Variants in GJA5 observed in about 807,000 individuals in gnomAD.
The protein encoded by GJA5 is gap junction protein alpha 5.
GJA5 carries 3 observed loss-of-function variants against 7.9 expected under a neutral mutation model. That is an observed-to-expected ratio of 0.38 (90% CI 0.17 to 0.99). The LOEUF is 0.99. Among genes scored for constraint, GJA5 ranks in the 50% least tolerant of loss-of-function variants. GJA5 has a pLI of 0.38. For synonymous variants in GJA5, 193 were observed against 181.0 expected, an observed-to-expected ratio of 1.07 and a Z score of -0.53; for missense variants, 390 against 457.9, an observed-to-expected ratio of 0.85 and a Z score of 1.35.
upstream of GJA5, among the ~76,000 whole-genome samples, chr1:147,764,561 A>G (rs2148962291): frequency 2.0e-5 from 3 of 152,308 alleles, no homozygotes; most frequent in South Asian, 6.2e-4. Flanking sequence ...GTGGTAGCTC[A>G]TGCCTGTAAT....
chr1:147,762,383 A>G (rs762899151), upstream of GJA5, among the ~76,000 whole-genome samples: 6 of 152,200 alleles, frequency 3.9e-5, no homozygotes, highest in East Asian at 3.8e-4. Flanking sequence ...CAAGTCCCCA[A>G]GGAAGTATAA....
Position 147,757,939 on chromosome 1 carries a change from G to A in GJA5, c.*223C>T. On this transcript the variant is annotated 3_prime_UTR_variant, in exon 2 of 2. Coordinates refer to ENST00000579774, the MANE Select transcript of GJA5 (RefSeq NM_181703.4). ...TCTGAAAGGCTTCGTATACTGGGTA[G>A]AGGGTGGGGAGGGAACTGCAGTCTG... is the stretch of plus-strand genomic sequence containing the variant. 6.8e-6 allele frequency: 4 copies of A among 586,610 alleles called. No individual in the cohort carries two copies. The highest frequency in any genetic ancestry group is 1.2e-5 in the Non-Finnish European group (4 of 329,718). The allele number at this position is 586,610 out of a possible 1,614,324, so 36.3% of individuals were successfully genotyped here.
rs146738543 is a variant in GJA5, at chr1:147,758,942, A to G, written c.297T>C (p.Thr99=). ...SLVYMGHAMH[T]VRMQEKRKLR... ...GCTTGCGCTTCTCCTGCATGCGCAC[A>G]GTGTGCATGGCGTGGCCCATGTACA... The change falls in exon 2 of 2, where the codon ACT becomes ACC. Residue 99 remains threonine (T), a synonymous_variant. Coordinates refer to ENST00000579774, the MANE Select transcript of GJA5 (RefSeq NM_181703.4). 4 of 1,614,114 alleles carry G rather than the reference A, an allele frequency of 2.5e-6. No individual in the cohort carries two copies. The South Asian group carries it at 4.4e-5, about 18-fold the overall frequency.
rs782176191 is a variant in GJA5 at position 147,758,772 on chromosome 1, C to G, written c.467G>C (p.Ser156Thr). Residue 156 changes from serine to threonine, a missense_variant, in exon 2 of 2, where the codon AGC becomes ACC. Transcript: ENST00000579774. ...QGTLLNTYVC[S>T]ILIRTTMEVG... ...CTCCATGGTGGTGCGGATCAGGATG[C>G]TGCACACATAGGTGTTGAGCAGAGT... 6.2e-7 allele frequency: 1 copy of G among 1,614,166 alleles called. No homozygotes were observed. Among genetic ancestry groups the G allele is most frequent in the South Asian group, 1.1e-5 (1 of 91,086 alleles).
At chr1:147,760,110 CG>C (rs59050595) in intron 1 of GJA5, among the ~76,000 whole-genome samples, 7,776 of 152,174 alleles carry the variant, frequency 0.051, 552 homozygotes, top group African/African-American at 0.16. Context: ...TCCCATGCCT[CG>C]GTGCAACACA....
chr1:147,769,272 G>A (rs1311969303), intron 1 of GJA5, among the ~76,000 whole-genome samples: 1 of 152,210 alleles, frequency 6.6e-6, no homozygotes, highest in Non-Finnish European at 1.5e-5. Flanking sequence ...CAAACAGCAG[G>A]CTCTGGTGTT....
chr1:147,773,264 C>CT, exon 1 of GJA5: 1 of 152,180 alleles, frequency 6.6e-6, no homozygotes, highest in East Asian at 1.9e-4. Context: ...GCTTCTTTTC[C>CT]TCCTCCCTGG....
chr1:147,772,880 G>T (rs1664465699), intron 1 of GJA5, among the ~76,000 whole-genome samples: 1 of 150,704 alleles, frequency 6.6e-6, no homozygotes, highest in Non-Finnish European at 1.5e-5. Flanking sequence ...TCGTAAAACA[G>T]TGTTGGTTTT....
upstream of GJA5, among the ~76,000 whole-genome samples, chr1:147,760,978 G>C (rs886632382): frequency 6.6e-6 from 1 of 152,124 alleles, no homozygotes; most frequent in Non-Finnish European, 1.5e-5. Context: ...CCGGTGAATA[G>C]GAGTGAGCCT....
intron 1 of GJA5, among the ~76,000 whole-genome samples, chr1:147,759,989 A>G (rs1039984675): frequency 1.7e-4 from 26 of 152,190 alleles, no homozygotes; most frequent in African/African-American, 6.3e-4. Context: ...ACCATCCAGC[A>G]TGGACCAGCT....
intron 1 of GJA5, chr1:147,773,240 G>A (rs1232633089): frequency 6.6e-6 from 1 of 152,142 alleles, no homozygotes; most frequent in Non-Finnish European, 1.5e-5. Flanking sequence ...TCAAATTCAA[G>A]TCTACTCTTA....
At chr1:147,772,353 T>C (rs587684838) in intron 1 of GJA5, among the ~76,000 whole-genome samples, 2 of 152,300 alleles carry the variant, frequency 1.3e-5, no homozygotes, top group East Asian at 3.9e-4. Flanking sequence ...CCTTTTTCAG[T>C]GGTTCTGAGT....
At chr1:147,773,318 C>T (rs1161697955) in exon 1 of GJA5, 1 of 152,358 alleles carries the variant, frequency 6.6e-6, no homozygotes, top group African/African-American at 2.4e-5. Flanking sequence ...TGCTTCTTCT[C>T]CAACTGCCCA....
upstream of GJA5, among the ~76,000 whole-genome samples, chr1:147,765,049 G>A (rs1236581280): frequency 6.6e-6 from 1 of 152,094 alleles, no homozygotes; most frequent in Non-Finnish European, 1.5e-5. Flanking sequence ...AGGTCCTAAG[G>A]AGGCTCAAGT....
At chr1:147,759,628 A>G (rs1188084000) in intron 1 of GJA5, among the ~76,000 whole-genome samples, 1 of 152,210 alleles carries the variant, frequency 6.6e-6, no homozygotes, top group African/African-American at 2.4e-5. Flanking sequence ...AAGCAGCCCA[A>G]GTAATTCTGA....
chr1:147,758,705 G>A lies in GJA5; in HGVS notation c.534C>T (p.Phe178=). 6.2e-7 allele frequency: 1 copy of A among 1,614,214 alleles called. No homozygotes were observed. Among genetic ancestry groups the A allele is most frequent in the Non-Finnish European group, 8.5e-7 (1 of 1,180,042 alleles). The part of the protein sequence containing the change: ...IVGQYFIYGI[F]LTTLHVCRRS... Reference sequence around the variant, plus strand: ...TGCGGCAGACATGCAGGGTGGTCAGGAAGATTCCGTAGATGAAGTACTGGC... The same window carrying A: ...TGCGGCAGACATGCAGGGTGGTCAGAAAGATTCCGTAGATGAAGTACTGGC... The change falls in exon 2 of 2, where the codon TTC becomes TTT. Residue 178 remains phenylalanine, a synonymous_variant. Transcript: ENST00000579774.
chr1:147,770,285 A>G (rs1664349300), intron 1 of GJA5, among the ~76,000 whole-genome samples: 1 of 152,224 alleles, frequency 6.6e-6, no homozygotes, highest in African/African-American at 2.4e-5. Context: ...ATGTGAAACA[A>G]AAGTGTAGAG....
chr1:147,765,351 A>G (rs147689485), upstream of GJA5, among the ~76,000 whole-genome samples: 5 of 152,368 alleles, frequency 3.3e-5, no homozygotes, highest in East Asian at 9.6e-4. Context: ...TAATGGGGGA[A>G]GAACCAGGGC....
upstream of GJA5, among the ~76,000 whole-genome samples, chr1:147,763,704 A>G (rs782281223): frequency 5.3e-5 from 8 of 152,346 alleles, 1 homozygote; most frequent in Middle Eastern, 0.014. Flanking sequence ...GGCCAGAGGA[A>G]GGATTTTGTG....
Sources: allele counts gnomAD v4.1 joint callset (sites outside exome capture counted in the v4.1 genomes callset), GRCh38; gene constraint gnomAD v4.1.1; transcripts MANE v1.5; gene names NCBI Gene and HGNC (gene_info 2026-07-23, HGNC 2026-07-21).